Variants in CTNNA3 observed in about 807,000 individuals in gnomAD.
CTNNA3 encodes catenin alpha-3.
Under a neutral mutation model 95.7 loss-of-function variants are expected in CTNNA3, and 76 were observed. The observed-to-expected ratio is 0.79, with a 90% CI of 0.66 to 0.96. The LOEUF (loss-of-function observed/expected upper bound fraction) is 0.96, where lower values mean the gene tolerates loss of function less well. Ranked by LOEUF, CTNNA3 falls within the 40% of genes least tolerant of loss-of-function variation. The pLI is 0.00. For synonymous variants in CTNNA3, 431 were observed against 374.4 expected (o/e 1.15, Z -1.74); for missense variants, 1,191 against 1,089.8 (o/e 1.09, Z -1.31).
At chr10:66,863,729 A>G (rs764588783) in intron 7 of CTNNA3, among the ~76,000 whole-genome samples, 1 of 152,100 alleles carries the variant, frequency 6.6e-6, no homozygotes, top group Non-Finnish European at 1.5e-5. Context: ...AGGTTGAATA[A>G]GCAATCAGGC....
chr10:67,517,566 G>A (rs371038807), intron 5 of CTNNA3, among the ~76,000 whole-genome samples: 1 of 152,066 alleles, frequency 6.6e-6, no homozygotes, highest in African/African-American at 2.4e-5. Flanking sequence ...AAAGTACCAT[G>A]TGCTGAACAA....
intron 5 of CTNNA3, among the ~76,000 whole-genome samples, chr10:67,367,989 C>T (rs1259227817): frequency 6.6e-6 from 1 of 152,084 alleles, no homozygotes; most frequent in African/African-American, 2.4e-5. Flanking sequence ...CAGCATCACA[C>T]AACACACCCT....
intron 1 of CTNNA3, among the ~76,000 whole-genome samples, chr10:67,693,373 T>C (rs144895945): frequency 8.5e-5 from 13 of 152,334 alleles, no homozygotes; most frequent in African/African-American, 2.9e-4. Context: ...TTTAAATCTC[T>C]AGACTAGCAT....
intron 7 of CTNNA3, chr10:66,928,011 T>C: frequency 1.2e-6 from 2 of 1,614,170 alleles, no homozygotes; most frequent in Middle Eastern, 1.6e-4. Flanking sequence ...GCAAAAGTAC[T>C]ACAGAGAGGT....
At chr10:67,022,709 G>A (rs1017716447) in intron 7 of CTNNA3, among the ~76,000 whole-genome samples, 4 of 152,042 alleles carry the variant, frequency 2.6e-5, no homozygotes, top group Non-Finnish European at 2.9e-5. Flanking sequence ...AGGCCGAGGC[G>A]GGCAGATCAT....
intron 9 of CTNNA3, among the ~76,000 whole-genome samples, chr10:66,664,718 G>A (rs10509272): frequency 5.1e-5 from 1 of 19,712 alleles, no homozygotes; most frequent in Non-Finnish European, 8.3e-5. Flanking sequence ...TTGCTAGGAA[G>A]AAAAATCCCA....
At chr10:66,076,445 T>G (rs1294518301) in intron 14 of CTNNA3, among the ~76,000 whole-genome samples, 1 of 151,720 alleles carries the variant, frequency 6.6e-6, no homozygotes, top group Non-Finnish European at 1.5e-5. Context: ...TCTGTAATAT[T>G]TTAAAATTAA....
chr10:66,408,302 T>C (rs544190794), intron 11 of CTNNA3, among the ~76,000 whole-genome samples: 4 of 152,338 alleles, frequency 2.6e-5, no homozygotes, highest in African/African-American at 7.2e-5. Flanking sequence ...CCATTTTTTA[T>C]ACAATTCTTA....
intron 7 of CTNNA3, among the ~76,000 whole-genome samples, chr10:66,785,269 T>A (rs1840696599): frequency 6.6e-6 from 1 of 152,172 alleles, no homozygotes; most frequent in South Asian, 2.1e-4. Flanking sequence ...ACCTGTGACA[T>A]CAACTTGATT....
In CTNNA3 at chr10:66,318,550, C is replaced by T. The variant is rs79343679; in HGVS notation, c.1733-37929G>A. Among the ~76,000 whole-genome samples, 873 of 151,970 alleles carry T rather than the reference C, an allele frequency of 5.7e-3. 16 individuals are homozygous for T. The highest frequency in any genetic ancestry group is 0.02 in the African/African-American group (842 of 41,476). On this transcript the variant is annotated intron_variant, in intron 12 of 17. Transcript: ENST00000433211. ...AGCTTCCTCTCCAATATCCATATGCCACATGTTTTTCCTCATCCATGCTAT... is the reference window on the plus strand; with the variant it reads ...AGCTTCCTCTCCAATATCCATATGCTACATGTTTTTCCTCATCCATGCTAT...
chr10:67,330,829 A>G (rs1294696791), intron 5 of CTNNA3, among the ~76,000 whole-genome samples: 1 of 152,232 alleles, frequency 6.6e-6, no homozygotes, highest in Non-Finnish European at 1.5e-5. Context: ...CCTGCCAAAG[A>G]GAAGTAAAAT....
chr10:66,433,848 G>A (rs1220450142), intron 11 of CTNNA3, among the ~76,000 whole-genome samples: 1 of 152,128 alleles, frequency 6.6e-6, no homozygotes, highest in African/African-American at 2.4e-5. Flanking sequence ...TCCAGTTTCA[G>A]TTTTCTGCAC....
chr10:67,661,358 G>A (rs1483303097), intron 1 of CTNNA3, among the ~76,000 whole-genome samples: 2 of 151,968 alleles, frequency 1.3e-5, no homozygotes, highest in East Asian at 3.9e-4. Context: ...CAGGGAGGAA[G>A]GGAGGCAGGG....
At chr10:66,875,660 C>G (rs1844589314) in intron 7 of CTNNA3, among the ~76,000 whole-genome samples, 1 of 152,102 alleles carries the variant, frequency 6.6e-6, no homozygotes, top group Non-Finnish European at 1.5e-5. Context: ...AATAGTAAAT[C>G]TGCTAATCCA....
At chr10:67,464,138 C>G (rs1847485423) in intron 5 of CTNNA3, among the ~76,000 whole-genome samples, 1 of 152,148 alleles carries the variant, frequency 6.6e-6, no homozygotes, top group African/African-American at 2.4e-5. Context: ...TAATCCGGCT[C>G]TAACTGATTT....
intron 3 of CTNNA3, among the ~76,000 whole-genome samples, chr10:67,600,470 C>T (rs1843052556): frequency 6.6e-6 from 1 of 152,076 alleles, no homozygotes; most frequent in Admixed American, 6.5e-5. Context: ...CAAAAGGACT[C>T]ATATCTAGAA....
At chr10:67,637,478 G>A (rs975997070) in intron 2 of CTNNA3, among the ~76,000 whole-genome samples, 5 of 152,102 alleles carry the variant, frequency 3.3e-5, no homozygotes, top group Admixed American at 2.6e-4. Flanking sequence ...AATCTAGCAA[G>A]GCAGGCCAAC....
At chr10:66,670,263 G>A (rs1462086173) in intron 9 of CTNNA3, among the ~76,000 whole-genome samples, 1 of 152,128 alleles carries the variant, frequency 6.6e-6, no homozygotes, top group African/African-American at 2.4e-5. Context: ...ATCTGGCTGG[G>A]TTCAGCTGAT....
chr10:67,673,481 G>C (rs1840479737), intron 1 of CTNNA3, among the ~76,000 whole-genome samples: 1 of 151,974 alleles, frequency 6.6e-6, no homozygotes, highest in African/African-American at 2.4e-5. Context: ...CATTCGGTAT[G>C]ATATTGGCTG....
Sources: gnomAD v4.1 joint callset for allele counts (sites outside exome capture counted in the v4.1 genomes callset) on GRCh38, gnomAD v4.1.1 for gene constraint, MANE v1.5 for transcripts, NCBI Gene and HGNC (gene_info 2026-07-23, HGNC 2026-07-21) for gene names.